The following RYR2 variants were observed in gnomAD, a reference collection of about 807,000 sequenced individuals.
RYR2 encodes cardiac muscle ryanodine receptor-calcium release channel.
Under a neutral mutation model 601.1 loss-of-function variants are expected in RYR2, and 227 were observed. That is an observed-to-expected ratio of 0.38 (90% CI 0.34 to 0.42). The LOEUF is 0.42. Among genes scored for constraint, RYR2 ranks in the 10% least tolerant of loss-of-function variants. The pLI, the probability that RYR2 is intolerant of heterozygous loss-of-function variation, is 1.00. For synonymous variants in RYR2, 2,223 were observed against 2,175.1 expected (o/e 1.02, Z -0.61); for missense variants, 4,646 against 6,156.5 (o/e 0.75, Z 8.21).
intron 25 of RYR2, among the ~76,000 whole-genome samples, chr1:237,538,895 C>A (rs986491657): frequency 1.3e-5 from 2 of 152,162 alleles, no homozygotes; most frequent in Non-Finnish European, 2.9e-5. Context: ...TGATTGAGAG[C>A]AAGGTTTCTT....
At chr1:237,764,111 A>T (rs1693650115) in intron 84 of RYR2, among the ~76,000 whole-genome samples, 1 of 152,210 alleles carries the variant, frequency 6.6e-6, no homozygotes, top group African/African-American at 2.4e-5. Flanking sequence ...CAATATGACC[A>T]TAAATTATAT....
chr1:237,049,125 C>T (rs75807674), intron 1 of RYR2, among the ~76,000 whole-genome samples: 3,251 of 151,982 alleles, frequency 0.021, 85 homozygotes, highest in East Asian at 0.11. Context: ...AGGGGACACC[C>T]GGAGAAGGCA....
intron 24 of RYR2, among the ~76,000 whole-genome samples, chr1:237,516,272 G>A (rs548289872): frequency 5.4e-4 from 80 of 147,332 alleles, no homozygotes; most frequent in African/African-American, 1.9e-3. Context: ...CACCACCTCT[G>A]GTTAATTTTT....
chr1:237,682,430 A>G (rs944995070), intron 62 of RYR2, among the ~76,000 whole-genome samples: 1 of 152,258 alleles, frequency 6.6e-6, no homozygotes, highest in South Asian at 2.1e-4. Context: ...ACAACATTTC[A>G]ATTAATTTTG....
chr1:237,485,424 T>C (rs1009426223), intron 17 of RYR2, among the ~76,000 whole-genome samples: 1 of 152,200 alleles, frequency 6.6e-6, no homozygotes, highest in Admixed American at 6.5e-5. Flanking sequence ...GGGCTCGTTC[T>C]GTAATGGGGG....
chr1:237,700,515 C>T, intron 65 of RYR2, 48 bp downstream of exon 65: 1 of 897,500 alleles, frequency 1.1e-6, no homozygotes, highest in Non-Finnish European at 1.7e-6. Context: ...ATCGAAATAC[C>T]CTGTAGTACA....
intron 18 of RYR2, 116 bp from the exon 19 acceptor site, chr1:237,492,838 A>AGGAC: frequency 1.1e-6 from 1 of 890,886 alleles, no homozygotes; most frequent in Non-Finnish European, 1.6e-6. Flanking sequence ...GAAGGAAGGA[A>AGGAC]GGAAGGAAGG....
chr1:237,320,932 A>AT (rs1315554170), intron 2 of RYR2, among the ~76,000 whole-genome samples: 2 of 149,126 alleles, frequency 1.3e-5, no homozygotes, highest in South Asian at 2.2e-4. Flanking sequence ...TGTGTGTGTG[A>AT]TTTTTTTAGA....
chr1:237,709,352 TACAAC>T, intron 69 of RYR2, 123 bp from the exon 70 acceptor site: 3 of 722,640 alleles, frequency 4.2e-6, no homozygotes, highest in Non-Finnish European at 7.1e-6. Flanking sequence ...TTTTAAATAT[TACAAC>T]ACTGTGCTGA....
chr1:237,135,521 C>T (rs1194936667), intron 1 of RYR2, among the ~76,000 whole-genome samples: 1 of 143,950 alleles, frequency 6.9e-6, no homozygotes, highest in African/African-American at 2.5e-5. Context: ...AGGCACCCGC[C>T]ACCACACCTA....
intron 91 of RYR2, among the ~76,000 whole-genome samples, chr1:237,786,427 G>A (rs889513347): frequency 3.3e-5 from 5 of 152,192 alleles, no homozygotes; most frequent in Admixed American, 6.5e-5. Context: ...TTCCAAATGC[G>A]CTTTCATAGA....
chr1:237,402,191 C>T (rs980335125), intron 10 of RYR2, among the ~76,000 whole-genome samples: 4 of 150,536 alleles, frequency 2.7e-5, no homozygotes, highest in African/African-American at 9.8e-5. Context: ...CCCAGGAGTT[C>T]GAGACCTGCC....
At chr1:237,638,029 T>C (rs576971853) in intron 44 of RYR2, among the ~76,000 whole-genome samples, 1 of 152,112 alleles carries the variant, frequency 6.6e-6, no homozygotes, top group Non-Finnish European at 1.5e-5. Flanking sequence ...CAACTGGTTC[T>C]AGTCCGTGAG....
Position 237,566,593 on chromosome 1 carries a change from A to G in RYR2, c.3241A>G (p.Thr1081Ala). 5 of 1,613,954 alleles carry G rather than the reference A, an allele frequency of 3.1e-6. No individual in the cohort carries two copies. Among genetic ancestry groups the G allele is most frequent in the Non-Finnish European group, 4.2e-6 (5 of 1,179,862 alleles). ...HAARAEVCSGTGERFRIFRAE... is the reference protein window; with the variant it reads ...HAARAEVCSGAGERFRIFRAE... ...AGCCAGAGCCGAAGTGTGCAGCGGC[A>G]CCGGGGAAAGGTTCCGAATCTTCCG... The change falls in exon 28 of 105, where the codon ACC (threonine) becomes GCC (alanine). Residue 1081 changes from threonine to alanine, a missense_variant. This residue lies in a region of RYR2 where 1,807 missense variants were observed against 2,088.1 expected (regional missense o/e 0.87). Transcript: ENST00000366574.
At chr1:237,808,468 C>G (rs1478557887) in intron 99 of RYR2, among the ~76,000 whole-genome samples, 1 of 151,904 alleles carries the variant, frequency 6.6e-6, no homozygotes, top group African/African-American at 2.4e-5. Flanking sequence ...CGAGACCAGC[C>G]TGACAAACAT....
intron 88 of RYR2, among the ~76,000 whole-genome samples, chr1:237,780,275 T>C (rs1694988020): frequency 6.6e-6 from 1 of 152,012 alleles, no homozygotes; most frequent in South Asian, 2.1e-4. Context: ...GAAATTCCAG[T>C]CTTTCATTTA....
chr1:237,104,144 T>C (rs1180840547), intron 1 of RYR2, among the ~76,000 whole-genome samples: 1 of 152,188 alleles, frequency 6.6e-6, no homozygotes, highest in African/African-American at 2.4e-5. Context: ...CTTTTCGTTT[T>C]GTAGGTAGAA....
chr1:237,248,606 G>A (rs1291167609), intron 1 of RYR2, among the ~76,000 whole-genome samples: 1 of 151,992 alleles, frequency 6.6e-6, no homozygotes, highest in Non-Finnish European at 1.5e-5. Context: ...CTGTATTGAG[G>A]CATGTAAAAC....
intron 1 of RYR2, among the ~76,000 whole-genome samples, chr1:237,122,075 G>A (rs1285107077): frequency 6.6e-6 from 1 of 152,176 alleles, no homozygotes. Context: ...CCTGAATAAG[G>A]ACCATAGATA....
Sources: gnomAD v4.1 joint callset for allele counts (sites outside exome capture counted in the v4.1 genomes callset) on GRCh38, gnomAD v4.1.1 for gene constraint, gnomAD v4.1.1 regional missense constraint, MANE v1.5 for transcripts, NCBI Gene and HGNC (gene_info 2026-07-23, HGNC 2026-07-21) for gene names.